The following ASIC2 variants were observed in gnomAD, a reference collection of about 807,000 sequenced individuals.
ASIC2 encodes acid-sensing ion channel 2.
ASIC2 carries 25 observed loss-of-function variants against 57.3 expected under a neutral mutation model. That is an observed-to-expected ratio of 0.44 (90% CI 0.32 to 0.61). The LOEUF is 0.61. ASIC2 is among the 20% of genes least tolerant of loss of function. ASIC2 has a pLI of 0.06. For synonymous variants in ASIC2, 319 were observed against 307.5 expected (o/e 1.04, Z -0.39); for missense variants, 641 against 738.1 (o/e 0.87, Z 1.52).
chr17:33,285,661 T>G (rs1905127631), intron 1 of ASIC2, among the ~76,000 whole-genome samples: 1 of 152,240 alleles, frequency 6.6e-6, no homozygotes, highest in Non-Finnish European at 1.5e-5. Flanking sequence ...TCCTTCCTCA[T>G]GCAGCTGCAG....
At chr17:34,105,944 A>G (rs1911034888) in intron 1 of ASIC2, among the ~76,000 whole-genome samples, 1 of 151,988 alleles carries the variant, frequency 6.6e-6, no homozygotes, top group African/African-American at 2.4e-5. Flanking sequence ...TACCATCCAT[A>G]TTGTAATTTT....
intron 1 of ASIC2, among the ~76,000 whole-genome samples, chr17:33,491,037 A>T (rs953781216): frequency 6.6e-6 from 1 of 152,010 alleles, no homozygotes; most frequent in African/African-American, 2.4e-5. Flanking sequence ...ACTTGCCTTG[A>T]CCTGCCCTGC....
chr17:33,239,938 C>G (rs146159869), intron 1 of ASIC2, among the ~76,000 whole-genome samples: 1 of 152,302 alleles, frequency 6.6e-6, no homozygotes, highest in Non-Finnish European at 1.5e-5. Context: ...CTTATCCTTA[C>G]TTCCCCCCAC....
intron 1 of ASIC2, among the ~76,000 whole-genome samples, chr17:33,364,125 A>G (rs554276216): frequency 6.6e-6 from 1 of 152,168 alleles, no homozygotes; most frequent in Non-Finnish European, 1.5e-5. Flanking sequence ...AAGGGTCACA[A>G]GTGGAACTCA....
intron 1 of ASIC2, among the ~76,000 whole-genome samples, chr17:33,207,428 G>A (rs1317686143): frequency 2.6e-5 from 4 of 152,184 alleles, no homozygotes; most frequent in Non-Finnish European, 4.4e-5. Context: ...TATGTGTCAT[G>A]TCATCAAATC....
intron 1 of ASIC2, among the ~76,000 whole-genome samples, chr17:33,173,470 C>T (rs2142051014): frequency 6.6e-6 from 1 of 152,250 alleles, no homozygotes; most frequent in African/African-American, 2.4e-5. Flanking sequence ...TCGGTGAAGG[C>T]AGGAGGAGCT....
At chr17:33,167,413 C>A (rs928269369) in intron 1 of ASIC2, among the ~76,000 whole-genome samples, 1 of 152,194 alleles carries the variant, frequency 6.6e-6, no homozygotes, top group Non-Finnish European at 1.5e-5. Flanking sequence ...CTGCCACCGT[C>A]ACACTAGTTG....
Position 33,014,011 on chromosome 17 carries a change from A to G in ASIC2, c.1646T>C (p.Val549Ala), listed in dbSNP as rs1233274297. The change falls in exon 10 of 10, where the codon GTG becomes GCG. Residue 549 changes from valine to alanine, a missense_variant. Physicochemically the swap from Val to Ala is moderately conservative, Grantham distance 64 (BLOSUM62 0). This residue lies in a region of ASIC2 where 252 missense variants were observed against 319.8 expected (regional missense o/e 0.79). Transcript: ENST00000225823. Reference sequence around the variant, plus strand: ...GGTCCCCAGGGTCGTCTGCAGGGGCACGTTCACAGTGTGACTGATGGTTTC... The same window carrying G: ...GGTCCCCAGGGTCGTCTGCAGGGGCGCGTTCACAGTGTGACTGATGGTTTC... ...HSETISHTVN[V>A]PLQTTLGTLE... The G allele has an allele frequency of 6.2e-7, 1 of 1,605,520 alleles. No individual in the cohort carries two copies. Among genetic ancestry groups the G allele is most frequent in the East Asian group, 2.2e-5 (1 of 44,568 alleles).
chr17:33,968,578 C>T (rs750418902), intron 1 of ASIC2, among the ~76,000 whole-genome samples: 6 of 152,162 alleles, frequency 3.9e-5, no homozygotes, highest in Non-Finnish European at 5.9e-5. Flanking sequence ...AATGGCCTGC[C>T]TCTATATTTA....
At chr17:33,818,187 G>A (rs1246322142) in intron 1 of ASIC2, among the ~76,000 whole-genome samples, 1 of 152,098 alleles carries the variant, frequency 6.6e-6, no homozygotes, top group Non-Finnish European at 1.5e-5. Flanking sequence ...AAGAGCATGT[G>A]GGAAGGGAAA....
chr17:33,713,113 TG>T (rs1421836722), intron 1 of ASIC2, among the ~76,000 whole-genome samples: 2 of 152,218 alleles, frequency 1.3e-5, no homozygotes, highest in East Asian at 3.9e-4. Flanking sequence ...CACACTGTCA[TG>T]CTTGCGCTAT....
intron 1 of ASIC2, among the ~76,000 whole-genome samples, chr17:33,156,142 T>G (rs954106172): frequency 6.6e-6 from 1 of 151,894 alleles, no homozygotes; most frequent in African/African-American, 2.4e-5. Flanking sequence ...TTGTTTTTTT[T>G]TTTTTAACCG....
intron 1 of ASIC2, among the ~76,000 whole-genome samples, chr17:33,893,946 C>G (rs1431392409): frequency 6.6e-6 from 1 of 152,202 alleles, no homozygotes; most frequent in Non-Finnish European, 1.5e-5. Context: ...AGCCTCACCT[C>G]AGTCAAAGTC....
At chr17:34,141,233 G>A (rs1157486868) in intron 1 of ASIC2, among the ~76,000 whole-genome samples, 1 of 152,098 alleles carries the variant, frequency 6.6e-6, no homozygotes, top group Non-Finnish European at 1.5e-5. Flanking sequence ...AGAGTAAGGG[G>A]AACCTTGACA....
At chr17:33,793,991 C>T (rs1911845376) in intron 1 of ASIC2, 1 of 152,164 alleles carries the variant, frequency 6.6e-6, no homozygotes, top group Admixed American at 6.5e-5. Context: ...TAAGAGCACA[C>T]ACTCTAACTG....
At chr17:33,280,199 C>T (rs796698861) in intron 1 of ASIC2, among the ~76,000 whole-genome samples, 12 of 152,118 alleles carry the variant, frequency 7.9e-5, no homozygotes, top group African/African-American at 1.4e-4. Context: ...GATGAAAGCC[C>T]GAAACACTCA....
At chr17:34,111,279 T>A (rs999304897) in intron 1 of ASIC2, among the ~76,000 whole-genome samples, 1 of 148,136 alleles carries the variant, frequency 6.8e-6, no homozygotes, top group Non-Finnish European at 1.5e-5. Context: ...ATATACAACA[T>A]ATTATATAAT....
chr17:33,956,406 C>T (rs1023436145), intron 1 of ASIC2, among the ~76,000 whole-genome samples: 6 of 152,086 alleles, frequency 3.9e-5, no homozygotes, highest in Admixed American at 3.9e-4. Context: ...AGTCGGGTAG[C>T]CCTGGCTGCC....
intron 3 of ASIC2, among the ~76,000 whole-genome samples, chr17:33,062,255 G>C (rs1386614681): frequency 1.3e-5 from 2 of 152,020 alleles, no homozygotes; most frequent in Admixed American, 1.3e-4. Context: ...TGTGATGTTA[G>C]GGTGTCAATT....
Sources: allele counts gnomAD v4.1 joint callset (sites outside exome capture counted in the v4.1 genomes callset), GRCh38; gene constraint gnomAD v4.1.1; regional missense constraint gnomAD v4.1.1; transcripts MANE v1.5; gene names NCBI Gene and HGNC (gene_info 2026-07-23, HGNC 2026-07-21).